Variants in ITGA3 observed in about 807,000 individuals in gnomAD.
The protein encoded by ITGA3 is integrin subunit alpha 3.
In ITGA3, 70 loss-of-function variants were observed where a neutral mutation model predicts 131.1. That is an observed-to-expected ratio of 0.53 (90% CI 0.44 to 0.65). The LOEUF (loss-of-function observed/expected upper bound fraction) is 0.65, where lower values mean the gene tolerates loss of function less well. Ranked by LOEUF, ITGA3 falls within the 30% of genes least tolerant of loss-of-function variation. ITGA3 has a pLI of 0.00. For missense variants in ITGA3, 1,098 were observed against 1,388.6 expected, an observed-to-expected ratio of 0.79 and a Z score of 3.33; for synonymous variants, 537 against 571.6, an observed-to-expected ratio of 0.94 and a Z score of 0.86.
Position 50,076,449 on chromosome 17 carries a change from G to A in ITGA3, c.1798G>A (p.Ala600Thr), listed in dbSNP as rs368111146. 1.1e-5 allele frequency: 17 copies of A among 1,609,984 alleles called. No individual in the cohort carries two copies. Among genetic ancestry groups the A allele is most frequent in the Non-Finnish European group, 1.4e-5 (17 of 1,179,976 alleles). ...SLDAYPILNQ[A>T]QALENHTEVQ... ...GGACGCCTACCCGATCCTCAACCAG[G>A]CACAGGCTCTGGAGAACCACACTGA... is the stretch of plus-strand genomic sequence containing the variant. Residue 600 changes from alanine to threonine, a missense_variant, in exon 13 of 26, where the codon GCA becomes ACA. Coordinates refer to ENST00000320031, the MANE Select transcript of ITGA3 (RefSeq NM_002204.4).
intron 5 of ITGA3, 150 bp downstream of exon 5, chr17:50,071,080 T>G: frequency 1.4e-6 from 1 of 723,886 alleles, no homozygotes; most frequent in South Asian, 1.7e-5. Context: ...CCAGGCCCTG[T>G]TCCAAGCTCC....
chr17:50,085,338 G>T (rs1229557160), intron 23 of ITGA3, among the ~76,000 whole-genome samples: 1 of 151,838 alleles, frequency 6.6e-6, no homozygotes, highest in Non-Finnish European at 1.5e-5. Flanking sequence ...ATTCACCAGA[G>T]ATTACAGAGA....
At chr17:50,084,894 A>C (rs1468403059) in intron 23 of ITGA3, among the ~76,000 whole-genome samples, 1 of 152,054 alleles carries the variant, frequency 6.6e-6, no homozygotes, top group East Asian at 1.9e-4. Context: ...CAGCCTGAGC[A>C]ACACAGTGAG....
intron 23 of ITGA3, chr17:50,086,744 T>C (rs1017540830): frequency 1.4e-5 from 2 of 144,248 alleles, no homozygotes; most frequent in African/African-American, 2.6e-5. Context: ...ATCTCCATTG[T>C]AGGGGAAGAA....
At chr17:50,074,082 C>T in intron 8 of ITGA3, 62 bp from the exon 9 acceptor site, 1 of 1,548,964 alleles carries the variant, frequency 6.5e-7, no homozygotes, top group East Asian at 2.2e-5. Context: ...CCCAACCCTT[C>T]CCTGTAGCCC....
rs1908625799 is a variant in ITGA3, at chr17:50,071,419, A to C, written c.860A>C (p.Glu287Ala). Residue 287 changes from glutamate (E) to alanine (A), a missense_variant, in exon 6 of 26, where the codon GAG (glutamate) becomes GCG (alanine). Around this residue, in one of 3 missense-constraint regions of ITGA3, gnomAD observed 356 missense variants for 529.2 expected, o/e 0.67. Transcript: ENST00000320031. ...HMGAVFLLSQ[E>A]AGGDLRRRQV... ...GGCGCGGTGTTCTTGCTGAGCCAGG[A>C]GGCAGGCGGAGACCTGCGGAGGAGG... 6.8e-6 allele frequency: 11 copies of C among 1,614,154 alleles called. No homozygotes were observed. Among genetic ancestry groups the C allele is most frequent in the Non-Finnish European group, 9.3e-6 (11 of 1,180,046 alleles).
At position 50,071,440 on chromosome 17, in the gene ITGA3, G is replaced by A; in HGVS notation, c.881G>A (p.Arg294Lys). 6.2e-7 allele frequency: 1 copy of A among 1,613,992 alleles called. No homozygotes were observed. The highest frequency in any genetic ancestry group is 1.1e-5 in the South Asian group (1 of 91,086). Residue 294 changes from arginine to lysine, a missense_variant, in exon 6 of 26, where the codon AGG becomes AAG. This residue lies in a region of ITGA3 where 356 missense variants were observed against 529.2 expected (regional missense o/e 0.67). Transcript: ENST00000320031. ...CAGGAGGCAGGCGGAGACCTGCGGA[G>A]GAGGCAGGTGCTGGAGGGCTCGCAG... Reference protein sequence around the residue: ...LSQEAGGDLRRRQVLEGSQVG... With the variant: ...LSQEAGGDLRKRQVLEGSQVG...
At chr17:50,071,555 G>C (rs1260891559) in intron 6 of ITGA3, 37 bp downstream of exon 6, 1 of 1,552,136 alleles carries the variant, frequency 6.4e-7, no homozygotes, top group African/African-American at 1.3e-5. Flanking sequence ...GCCAGGGAGA[G>C]CGATGGGCGG....
intron 1 of ITGA3, among the ~76,000 whole-genome samples, chr17:50,061,971 C>T (rs922768005): frequency 7.1e-6 from 1 of 141,680 alleles, no homozygotes; most frequent in Non-Finnish European, 1.5e-5. Flanking sequence ...ACCCGGGAGG[C>T]GGAGGTGGCA....
intron 25 of ITGA3, 53 bp from the exon 26 acceptor site, chr17:50,089,056 TG>T: frequency 1.3e-6 from 2 of 1,485,808 alleles, no homozygotes; most frequent in South Asian, 2.3e-5. Context: ...CACTCCTTCC[TG>T]GTGGCTCAAA....
chr17:50,072,253 G>A, intron 7 of ITGA3, 71 bp downstream of exon 7: 2 of 1,354,296 alleles, frequency 1.5e-6, no homozygotes, highest in Non-Finnish European at 1.0e-6. Context: ...TACTGACTGA[G>A]CACCAGCTGC....
rs371442730 is a variant in ITGA3 at position 50,077,194 on chromosome 17, G to C, written c.2070+73G>C. 2.4e-5 allele frequency: 35 copies of C among 1,456,428 alleles called. No individual in the cohort carries two copies. The African/African-American group carries it at 3.0e-4, about 12-fold the overall frequency. 90.2% of individuals were successfully genotyped at this position (1,456,428 alleles called of 1,614,324 possible). ...CTTTGCATCCCCATATCCATGTCCT[G>C]TGCAGGTGTTGTCGTCTGCCACGTG... On this transcript the variant is annotated intron_variant, in intron 15 of 25. Coordinates refer to ENST00000320031, the MANE Select transcript of ITGA3 (RefSeq NM_002204.4).
At chr17:50,073,834 G>T in intron 7 of ITGA3, 82 bp from the exon 8 acceptor site, 1 of 968,826 alleles carries the variant, frequency 1.0e-6, no homozygotes, top group Non-Finnish European at 1.7e-6. Context: ...TCTGTGCTGG[G>T]CTGTATGGCC....
Position 50,076,387 on chromosome 17 carries a change from GGAT to G in ITGA3, c.1738_1740del (p.Met580del). The G allele has an allele frequency of 6.2e-7, 1 of 1,613,318 alleles. No individual in the cohort carries two copies. Among genetic ancestry groups the G allele is most frequent in the Non-Finnish European group, 8.5e-7 (1 of 1,179,994 alleles). Reference sequence around the variant, plus strand: ...TCCATGAACTACTCTTTACCTTTGCGGATGCCCGATCGCCCCCGGCTGGGGCTG... The same window carrying G: ...TCCATGAACTACTCTTTACCTTTGCGGCCCGATCGCCCCCGGCTGGGGCTG... On this transcript the variant is annotated inframe_deletion, in exon 13 of 26. Transcript: ENST00000320031.
intron 22 of ITGA3, 47 bp downstream of exon 22, chr17:50,080,422 G>T: frequency 8.5e-7 from 1 of 1,180,002 alleles, no homozygotes; most frequent in Non-Finnish European, 1.2e-6. Flanking sequence ...ACCCTGAGGG[G>T]GAGAACAACA....
At chr17:50,060,936 T>C (rs1478200871) in intron 1 of ITGA3, among the ~76,000 whole-genome samples, 1 of 152,156 alleles carries the variant, frequency 6.6e-6, no homozygotes, top group Non-Finnish European at 1.5e-5. Context: ...CCCTCTCACC[T>C]TCAGGATTCT....
chr17:50,076,923 G>GCCT, intron 14 of ITGA3, 51 bp from the exon 15 acceptor site: 1 of 1,568,978 alleles, frequency 6.4e-7, no homozygotes, highest in Non-Finnish European at 8.7e-7. Flanking sequence ...GTTGATCCGG[G>GCCT]AGTGCCCTGG....
rs1307167222 is a variant in ITGA3 at position 50,056,331 on chromosome 17, C to G, written c.-109C>G. The G allele has an allele frequency of 1.4e-6, 1 of 717,732 alleles. No homozygotes were observed. The highest frequency in any genetic ancestry group is 1.9e-5 in the African/African-American group (1 of 52,518). The allele number at this position is 717,732 out of a possible 1,614,324, so 44.5% of individuals were successfully genotyped here. A position where few individuals can be genotyped will look rare whatever the true frequency, so the allele number is the denominator to read the frequency against. The stretch of plus-strand genomic sequence containing the variant: ...GATCAGCGCTACGGAGCGCAGCGGC[C>G]GGCGGGTTCCAGTGTCCTCCGGCGG... On this transcript the variant is annotated 5_prime_UTR_variant, in exon 1 of 26. Coordinates refer to ENST00000320031, the MANE Select transcript of ITGA3 (RefSeq NM_002204.4). The surrounding 1 kb of genome is among the most constrained non-coding windows in gnomAD (Gnocchi z 5.6).
At chr17:50,084,971 G>C (rs1393927182) in intron 23 of ITGA3, among the ~76,000 whole-genome samples, 8 of 152,116 alleles carry the variant, frequency 5.3e-5, no homozygotes, top group Non-Finnish European at 8.8e-5. Flanking sequence ...CCAGCACTTT[G>C]GGAGGCCGAG....
Sources: gnomAD v4.1 joint callset for allele counts (sites outside exome capture counted in the v4.1 genomes callset) on GRCh38, gnomAD v4.1.1 for gene constraint, gnomAD v4.1.1 regional missense constraint, Gnocchi (gnomAD v3.1) non-coding constraint, MANE v1.5 for transcripts, NCBI Gene and HGNC (gene_info 2026-07-23, HGNC 2026-07-21) for gene names.